The following CTNNA2 variants were observed in gnomAD, a reference collection of about 807,000 sequenced individuals.
CTNNA2 encodes catenin alpha-2.
Under a neutral mutation model 101.0 loss-of-function variants are expected in CTNNA2, and 42 were observed. The observed-to-expected ratio is 0.42, with a 90% CI of 0.32 to 0.54. The LOEUF is 0.54. CTNNA2 is among the 20% of genes least tolerant of loss of function. The pLI is 0.14. For missense variants in CTNNA2, 871 were observed against 1,223.1 expected (o/e 0.71, Z 4.29); for synonymous variants, 450 against 456.4 (o/e 0.99, Z 0.18).
chr2:79,915,363 T>A (rs1328648832), intron 7 of CTNNA2, among the ~76,000 whole-genome samples: 2 of 96,504 alleles, frequency 2.1e-5, no homozygotes, highest in East Asian at 1.0e-3. Context: ...TAAAATGGAC[T>A]CATATTGTAA....
chr2:79,615,118 A>T (rs1297716516), intron 1 of CTNNA2, among the ~76,000 whole-genome samples: 2 of 152,194 alleles, frequency 1.3e-5, no homozygotes, highest in Admixed American at 6.5e-5. Flanking sequence ...TCTTTTCAGC[A>T]TGTCTATATA....
intron 7 of CTNNA2, among the ~76,000 whole-genome samples, chr2:80,352,829 G>A (rs947513341): frequency 1.3e-5 from 2 of 151,726 alleles, no homozygotes; most frequent in African/African-American, 2.4e-5. Flanking sequence ...GGAATACCAG[G>A]CAATGAAGAT....
chr2:80,046,902 T>C (rs1216603924), intron 7 of CTNNA2, among the ~76,000 whole-genome samples: 1 of 152,242 alleles, frequency 6.6e-6, no homozygotes, highest in Non-Finnish European at 1.5e-5. Flanking sequence ...TTAAGAGGTA[T>C]AGCACGGATT....
intron 7 of CTNNA2, among the ~76,000 whole-genome samples, chr2:80,367,481 G>A (rs1034727257): frequency 2.6e-5 from 4 of 151,910 alleles, no homozygotes; most frequent in Non-Finnish European, 2.9e-5. Flanking sequence ...AATGATAACT[G>A]TTATTATTAT....
intron 7 of CTNNA2, among the ~76,000 whole-genome samples, chr2:80,121,759 A>AT (rs1701848296): frequency 6.6e-6 from 1 of 152,192 alleles, no homozygotes. Flanking sequence ...ATTCCAAAGT[A>AT]AAATCTAACC....
At chr2:79,573,982 T>C (rs570592978) in intron 1 of CTNNA2, 1 of 175,524 alleles carries the variant, frequency 5.7e-6, no homozygotes, top group East Asian at 1.4e-4. Flanking sequence ...AAGGGAATTA[T>C]GGAGACATTG....
At chr2:80,477,365 A>T (rs1685806774) in intron 9 of CTNNA2, among the ~76,000 whole-genome samples, 1 of 152,156 alleles carries the variant, frequency 6.6e-6, no homozygotes, top group Non-Finnish European at 1.5e-5. Flanking sequence ...TATTTTCTTT[A>T]AAAAAATCAA....
intron 4 of CTNNA2, among the ~76,000 whole-genome samples, chr2:79,380,679 A>G (rs547035078): frequency 6.6e-6 from 1 of 152,320 alleles, no homozygotes; most frequent in Non-Finnish European, 1.5e-5. Context: ...TTGCAATTAG[A>G]TGTGGCTTCA....
intron 2 of CTNNA2, among the ~76,000 whole-genome samples, chr2:79,693,928 G>T (rs1302773199): frequency 6.6e-6 from 1 of 151,944 alleles, no homozygotes; most frequent in Non-Finnish European, 1.5e-5. Context: ...GAGGTACACG[G>T]TTATGAATAT....
intron 7 of CTNNA2, among the ~76,000 whole-genome samples, chr2:80,181,841 A>G (rs1705806010): frequency 6.6e-6 from 1 of 152,168 alleles, no homozygotes; most frequent in African/African-American, 2.4e-5. Flanking sequence ...GCCAAGGACT[A>G]TCAGTGTTCT....
At chr2:79,969,775 C>T (rs202082404) in intron 7 of CTNNA2, among the ~76,000 whole-genome samples, 2 of 92,028 alleles carry the variant, frequency 2.2e-5, no homozygotes, top group Non-Finnish European at 4.5e-5. Flanking sequence ...AAGCATTTAT[C>T]TCTGTGTGTG....
intron 1 of CTNNA2, among the ~76,000 whole-genome samples, chr2:79,534,947 A>G (rs1558706891): frequency 6.6e-6 from 1 of 152,046 alleles, no homozygotes; most frequent in Non-Finnish European, 1.5e-5. Flanking sequence ...AATACACATA[A>G]CTATTTAATC....
chr2:79,566,005 T>A (rs964926630), intron 1 of CTNNA2, among the ~76,000 whole-genome samples: 1 of 151,252 alleles, frequency 6.6e-6, no homozygotes, highest in Non-Finnish European at 1.5e-5. Flanking sequence ...AATGAAGGAG[T>A]AGCCACAAAG....
At chr2:80,635,766 TTGAC>T (rs146574954) in intron 18 of CTNNA2, among the ~76,000 whole-genome samples, 6,377 of 152,168 alleles carry the variant, frequency 0.042, 172 homozygotes, top group Middle Eastern at 0.075. Flanking sequence ...TTGCTAGTGT[TTGAC>T]TGAGCTATGT....
chr2:79,410,378 C>A (rs1678395483), intron 4 of CTNNA2, among the ~76,000 whole-genome samples: 1 of 148,412 alleles, frequency 6.7e-6, no homozygotes, highest in African/African-American at 2.5e-5. Flanking sequence ...CTGTCTTGTG[C>A]CAGTTTTCAA....
At chr2:79,941,253 C>T (rs17018183) in intron 7 of CTNNA2, among the ~76,000 whole-genome samples, 2,086 of 152,302 alleles carry the variant, frequency 0.014, 56 homozygotes, top group African/African-American at 0.048. Flanking sequence ...GAATGTTAAC[C>T]TTTCAATGTG....
intron 18 of CTNNA2, among the ~76,000 whole-genome samples, chr2:80,627,921 G>A (rs1024916765): frequency 6.6e-6 from 1 of 151,864 alleles, no homozygotes; most frequent in East Asian, 1.9e-4. Flanking sequence ...AAAGTCTCAG[G>A]GTACAAAATC....
rs758749398 is a variant in CTNNA2 at position 80,546,085 on chromosome 2, C to G, written c.1540+22C>G. 3.1e-6 allele frequency: 5 copies of G among 1,612,058 alleles called. No individual in the cohort carries two copies. The East Asian group carries it at 1.1e-4, about 36-fold the overall frequency. ...TCAGGTAATCATCACAAACAGGTCCCTTACAAGGCAGCTGGAGGAGGGTAA... is the reference window on the plus strand; with the variant it reads ...TCAGGTAATCATCACAAACAGGTCCGTTACAAGGCAGCTGGAGGAGGGTAA... On this transcript the variant is annotated intron_variant, in intron 11 of 18. Transcript: ENST00000402739.
chr2:79,351,410 C>A (rs1417624362), intron 3 of CTNNA2, among the ~76,000 whole-genome samples: 3 of 152,096 alleles, frequency 2.0e-5, no homozygotes, highest in Non-Finnish European at 2.9e-5. Context: ...GGATATCATT[C>A]CCATTGTTTA....
Sources: gnomAD v4.1 joint callset for allele counts (sites outside exome capture counted in the v4.1 genomes callset) on GRCh38, gnomAD v4.1.1 for gene constraint, MANE v1.5 for transcripts, NCBI Gene and HGNC (gene_info 2026-07-23, HGNC 2026-07-21) for gene names.